The following PECAM1 variants were observed in gnomAD, a reference collection of about 807,000 sequenced individuals.
PECAM1 encodes platelet and endothelial cell adhesion molecule 1, also known as platelet endothelial cell adhesion molecule.
In PECAM1, 8 loss-of-function variants were observed where a neutral mutation model predicts 13.8. The ratio of observed to expected loss-of-function variants is 0.58; its 90% CI spans 0.34 to 1.05. The LOEUF is 1.05. Ranked by LOEUF, PECAM1 falls within the 50% of genes least tolerant of loss-of-function variation. PECAM1 has a pLI of 0.03. For synonymous variants in PECAM1, 136 were observed against 52.6 expected, an observed-to-expected ratio of 2.58 and a Z score of -6.86; for missense variants, 304 against 141.2, an observed-to-expected ratio of 2.15 and a Z score of -5.84.
At chr17:64,361,129 A>G (rs896224520) in intron 6 of PECAM1, among the ~76,000 whole-genome samples, 4,931 of 137,198 alleles carry the variant, frequency 0.036, 335 homozygotes, top group African/African-American at 0.13. Flanking sequence ...CTGAGCATAT[A>G]TGTGTGTGTG....
At chr17:64,361,299 C>A (rs1171299229) in intron 6 of PECAM1, among the ~76,000 whole-genome samples, 2 of 151,970 alleles carry the variant, frequency 1.3e-5, no homozygotes, top group African/African-American at 4.8e-5. Flanking sequence ...GCATGTGCCA[C>A]CACACCCGGC....
chr17:64,354,266 C>T (rs1377728990), intron 9 of PECAM1, among the ~76,000 whole-genome samples: 1 of 152,032 alleles, frequency 6.6e-6, no homozygotes, highest in African/African-American at 2.4e-5. Flanking sequence ...CAGATAATTA[C>T]AAAAAGTAAA....
At chr17:64,365,179 C>T (rs1244334074) in intron 5 of PECAM1, among the ~76,000 whole-genome samples, 1 of 149,700 alleles carries the variant, frequency 6.7e-6, no homozygotes, top group Admixed American at 6.7e-5. Flanking sequence ...ACACCAATAA[C>T]AGACAAACAG....
In PECAM1 at chr17:64,367,763, G is replaced by GT. The variant is rs1287273953; in HGVS notation, c.967+1986dup. ...GGTCTTAGGTAGCTCTTTATCCCCA[G>GT]TAAGTTGCCCAGCATACAGAAAATG... On this transcript the variant is annotated intron_variant, in intron 5 of 15. Coordinates refer to ENST00000563924, the MANE Select transcript of PECAM1 (RefSeq NM_000442.5). Among the ~76,000 whole-genome samples, 959 of 152,200 alleles carry GT rather than the reference G, an allele frequency of 6.3e-3. 8 individuals carry two copies. The highest frequency in any genetic ancestry group is 0.022 in the African/African-American group (919 of 41,530).
intron 13 of PECAM1, among the ~76,000 whole-genome samples, chr17:64,344,721 G>A (rs1239452161): frequency 6.6e-6 from 1 of 152,104 alleles, no homozygotes; most frequent in Non-Finnish European, 1.5e-5. Flanking sequence ...CCACCCACAG[G>A]AAGGCAGAGA....
At chr17:64,388,319 C>T (rs2036642961) in intron 2 of PECAM1, among the ~76,000 whole-genome samples, 1 of 152,086 alleles carries the variant, frequency 6.6e-6, no homozygotes, top group African/African-American at 2.4e-5. Flanking sequence ...GGTACGAGGG[C>T]TGGAGTGGAC....
chr17:64,359,063 G>T (rs985255765), intron 7 of PECAM1, among the ~76,000 whole-genome samples: 46 of 152,188 alleles, frequency 3.0e-4, no homozygotes, highest in African/African-American at 1.1e-3. Context: ...TTCCCAAAGC[G>T]CTAGGATTAC....
intron 15 of PECAM1, among the ~76,000 whole-genome samples, chr17:64,327,316 G>T (rs1432125346): frequency 6.6e-6 from 1 of 152,200 alleles, no homozygotes; most frequent in Non-Finnish European, 1.5e-5. Flanking sequence ...TATGGTGGTT[G>T]CAGTTGCTCA....
At chr17:64,383,950 G>A (rs912501547) in intron 2 of PECAM1, among the ~76,000 whole-genome samples, 15 of 152,190 alleles carry the variant, frequency 9.9e-5, no homozygotes, top group African/African-American at 3.6e-4. Context: ...GGCCAACATG[G>A]TGAAACCTAG....
At chr17:64,340,722 AGCGAAGTGGG>A (rs2035405306) in intron 14 of PECAM1, among the ~76,000 whole-genome samples, 1 of 152,116 alleles carries the variant, frequency 6.6e-6, no homozygotes, top group South Asian at 2.1e-4. Context: ...CGTCACGGGA[AGCGAAGTGGG>A]GCCAGCCGAA....
chr17:64,323,563 A>G lies in PECAM1; in HGVS notation c.*253T>C, dbSNP rs35531906. On this transcript the variant is annotated 3_prime_UTR_variant, in exon 16 of 16. Coordinates refer to ENST00000563924, the MANE Select transcript of PECAM1 (RefSeq NM_000442.5). The stretch of plus-strand genomic sequence containing the variant: ...CTGGATCTCCTCTTGTGCTCTTCCA[A>G]TTTCCAAGGATGTTCCAACTTGGTG... The G allele has an allele frequency of 0.011, 15,592 of 1,413,946 alleles. 131 individuals carry two copies. Among genetic ancestry groups the G allele is most frequent in the Non-Finnish European group, 0.013 (14,093 of 1,087,228 alleles). The allele number at this position is 1,413,946 out of a possible 1,614,324, so 87.6% of individuals were successfully genotyped here. A position where few individuals can be genotyped will look rare whatever the true frequency, so the allele number is the denominator to read the frequency against.
At chr17:64,369,463 C>T (rs1208057513) in intron 5 of PECAM1, among the ~76,000 whole-genome samples, 2 of 152,262 alleles carry the variant, frequency 1.3e-5, no homozygotes, top group Non-Finnish European at 2.9e-5. Context: ...TCATTATCAC[C>T]ATCTCACAGC....
chr17:64,359,796 C>A (rs1361286126), intron 7 of PECAM1, among the ~76,000 whole-genome samples: 1 of 151,366 alleles, frequency 6.6e-6, no homozygotes, highest in Non-Finnish European at 1.5e-5. Context: ...TCTTGTTGCT[C>A]AGGCTGGAGT....
intron 7 of PECAM1, among the ~76,000 whole-genome samples, chr17:64,359,805 G>C (rs1162840539): frequency 2.6e-5 from 4 of 151,480 alleles, no homozygotes; most frequent in South Asian, 2.1e-4. Flanking sequence ...TCAGGCTGGA[G>C]TGCAATGGCG....
At chr17:64,341,011 C>T (rs965739329) in intron 14 of PECAM1, among the ~76,000 whole-genome samples, 2 of 151,528 alleles carry the variant, frequency 1.3e-5, no homozygotes, top group African/African-American at 2.4e-5. Context: ...GCAGGAGAAT[C>T]GCTTGAACCG....
intron 15 of PECAM1, among the ~76,000 whole-genome samples, chr17:64,329,181 G>A (rs2035037229): frequency 6.6e-6 from 1 of 152,158 alleles, no homozygotes; most frequent in East Asian, 1.9e-4. Flanking sequence ...CACTAGCTAG[G>A]TCTCTGTTCT....
chr17:64,333,943 C>CAAA (rs869179014), intron 14 of PECAM1, among the ~76,000 whole-genome samples: 1,685 of 68,822 alleles, frequency 0.024, 52 homozygotes, highest in Non-Finnish European at 0.033. Context: ...GACCCTGTCT[C>CAAA]AAAAAAAAAA....
chr17:64,378,659 A>C (rs1361822132), intron 2 of PECAM1: 1 of 151,654 alleles, frequency 6.6e-6, no homozygotes, highest in Admixed American at 6.6e-5. Flanking sequence ...AAAAAAAAAA[A>C]GATATAGGCA....
chr17:64,346,599 G>A (rs1160048274), intron 13 of PECAM1, among the ~76,000 whole-genome samples: 1 of 152,306 alleles, frequency 6.6e-6, no homozygotes, highest in Admixed American at 6.5e-5. Flanking sequence ...GCCTCCCAAA[G>A]TACTAGGTTT....
Sources: allele counts gnomAD v4.1 joint callset (sites outside exome capture counted in the v4.1 genomes callset), GRCh38; gene constraint gnomAD v4.1.1; transcripts MANE v1.5; gene names NCBI Gene and HGNC (gene_info 2026-07-23, HGNC 2026-07-21).